C22orf15: variants seen among roughly 807,000 people sequenced by gnomAD.
The protein encoded by C22orf15 is chromosome 22 open reading frame 15.
C22orf15 carries 21 observed loss-of-function variants against 20.3 expected under a neutral mutation model. The observed-to-expected ratio is 1.04, with a 90% confidence interval of 0.74 to 1.49. The LOEUF (loss-of-function observed/expected upper bound fraction) is 1.49, where lower values mean the gene tolerates loss of function less well. Ranked by LOEUF, C22orf15 falls within the 40% of genes most tolerant of loss-of-function variation. The pLI, the probability that C22orf15 is intolerant of heterozygous loss-of-function variation, is 0.00. For missense variants in C22orf15, 170 were observed against 191.1 expected (o/e 0.89, Z 0.65); for synonymous variants, 78 against 75.4 (o/e 1.03, Z -0.18).
At chr22:23,763,980 GC>G in intron 1 of C22orf15, 106 bp from the exon 2 acceptor site, 1 of 1,088,276 alleles carries the variant, frequency 9.2e-7, no homozygotes, top group Non-Finnish European at 1.4e-6. Context: ...TAGCCCATAG[GC>G]CCAGTCGCAG....
chr22:23,764,124 G>A lies in C22orf15; in HGVS notation c.63G>A (p.Leu21=), dbSNP rs2145917182. The part of the protein sequence containing the change: ...CSVLVNTSCR[L]VNLTAHLRQK... Reference sequence around the variant, plus strand: ...TGCTGGTGAACACCTCTTGCAGGCTGGTGAACCTCACCGCCCACCTGAGGC... The same window carrying A: ...TGCTGGTGAACACCTCTTGCAGGCTAGTGAACCTCACCGCCCACCTGAGGC... The change falls in exon 2 of 6, where the codon CTG becomes CTA. Residue 21 remains leucine, a synonymous_variant. Transcript: ENST00000402217. 1 of 1,551,336 alleles carries A rather than the reference G, an allele frequency of 6.4e-7. No individual in the cohort carries two copies. The highest frequency in any genetic ancestry group is 8.7e-7 in the Non-Finnish European group (1 of 1,146,996).
chr22:23,764,031 C>A, intron 1 of C22orf15, 56 bp from the exon 2 acceptor site: 1 of 1,516,544 alleles, frequency 6.6e-7, no homozygotes, highest in East Asian at 2.5e-5. Context: ...GACAGAGGAC[C>A]CCGATTTGGA....
Position 23,763,268 on chromosome 22 carries a change from G to C in C22orf15, c.-39G>C. Reference sequence around the variant, plus strand: ...CTTAGTTGGGGAATCGAGAGTTGGGGGATCAAAGCCCCCCACATCTCCCTC... The same window carrying C: ...CTTAGTTGGGGAATCGAGAGTTGGGCGATCAAAGCCCCCCACATCTCCCTC... On this transcript the variant is annotated 5_prime_UTR_variant, in exon 1 of 6. Coordinates refer to ENST00000402217, the MANE Select transcript of C22orf15 (RefSeq NM_182520.3). 1 of 1,549,678 alleles carries C rather than the reference G, an allele frequency of 6.5e-7. No homozygotes were observed. Among genetic ancestry groups the C allele is most frequent in the Non-Finnish European group, 8.7e-7 (1 of 1,146,450 alleles).
intron 3 of C22orf15, 46 bp downstream of exon 3, chr22:23,764,443 AAG>A (rs1569146244): frequency 6.2e-7 from 1 of 1,604,132 alleles, no homozygotes; most frequent in Non-Finnish European, 8.5e-7. Flanking sequence ...GGTAGAATGT[AAG>A]AGGGGGGCAT....
At position 23,764,261 on chromosome 22, in the gene C22orf15, G is replaced by A. The variant is rs2298375; in HGVS notation, c.114G>A (p.Ala38=). The part of the protein sequence containing the change: ...LRQKAGLPPD[A]TIALLAEDGN... Reference sequence around the variant, plus strand: ...CAGTCTCTCTCCATGTCCTCCCAGCGACCATTGCTCTCCTGGCTGAGGATG... The same window carrying A: ...CAGTCTCTCTCCATGTCCTCCCAGCAACCATTGCTCTCCTGGCTGAGGATG... Residue 38 remains alanine (A), a splice_region_variant and synonymous_variant, in exon 3 of 6, where the codon GCG becomes GCA. Coordinates refer to ENST00000402217, the MANE Select transcript of C22orf15 (RefSeq NM_182520.3). The A allele has an allele frequency of 0.082, 127,901 of 1,551,520 alleles. 5,628 individuals are homozygous for A. Among genetic ancestry groups the A allele is most frequent in the South Asian group, 0.11 (9,458 of 84,052 alleles).
At position 23,764,762 on chromosome 22, in the gene C22orf15, CCCTACCAACAGGACTT is replaced by C. The variant is rs780338916; in HGVS notation, c.326-27_326-12del. 1.9e-6 allele frequency: 3 copies of C among 1,614,010 alleles called. No individual in the cohort carries two copies. Among genetic ancestry groups the C allele is most frequent in the South Asian group, 1.1e-5 (1 of 91,082 alleles). ...GGGGAGGGCACACCTTCTCCCTAAC[CCCTACCAACAGGACTT>C]CCTGGGCCTTCCAGAGGAACTGCGC... On this transcript the variant is annotated splice_polypyrimidine_tract_variant and intron_variant, in intron 4 of 5. Coordinates refer to ENST00000402217, the MANE Select transcript of C22orf15 (RefSeq NM_182520.3).
rs769306922 is a variant in C22orf15 at position 23,764,895 on chromosome 22, C to G, written c.428C>G (p.Pro143Arg). The change falls in exon 5 of 6, where the codon CCC (proline) becomes CGC (arginine). Residue 143 changes from proline (P) to arginine (R), a missense_variant. Transcript: ENST00000402217. ...GRHEQSPTSRPRKGPD is the reference protein window; with the variant it reads ...GRHEQSPTSRRRKGPD ...CATGAGCAAAGCCCCACTTCAAGGC[C>G]CAGAAAGGTGAGCTCCCTGCCACCC... 7 of 1,610,208 alleles carry G rather than the reference C, an allele frequency of 4.3e-6. No homozygotes were observed. The East Asian group carries it at 1.3e-4, about 31-fold the overall frequency.
chr22:23,765,752 T>C lies in C22orf15; in HGVS notation c.*20T>C. 1 of 1,550,552 alleles carries C rather than the reference T, an allele frequency of 6.4e-7. No individual in the cohort carries two copies. The highest frequency in any genetic ancestry group is 8.7e-7 in the Non-Finnish European group (1 of 1,146,424). ...GATTAAGGGGATGGATTGCACACTGTAGTGAGACATCCATCCTGACCCCAC... is the reference window on the plus strand; with the variant it reads ...GATTAAGGGGATGGATTGCACACTGCAGTGAGACATCCATCCTGACCCCAC... On this transcript the variant is annotated 3_prime_UTR_variant, in exon 6 of 6. Transcript: ENST00000402217.
At chr22:23,764,446 AG>A (rs1926322882) in intron 3 of C22orf15, 49 bp downstream of exon 3, 2 of 1,605,666 alleles carry the variant, frequency 1.2e-6, no homozygotes, top group Non-Finnish European at 8.5e-7. Flanking sequence ...AGAATGTAAG[AG>A]GGGGGCATAG....
At chr22:23,763,436 G>C (rs1053327489) in intron 1 of C22orf15, 105 bp downstream of exon 1, 6 of 1,303,436 alleles carry the variant, frequency 4.6e-6, no homozygotes, top group South Asian at 2.9e-5. Flanking sequence ...GGCGGGAAAG[G>C]GGGGTGGTGC....
At chr22:23,763,442 GGT>G in intron 1 of C22orf15, 111 bp downstream of exon 1, 1 of 1,238,840 alleles carries the variant, frequency 8.1e-7, no homozygotes, top group African/African-American at 1.5e-5. Flanking sequence ...AAAGGGGGGT[GGT>G]GCACATGGCG....
intron 5 of C22orf15, chr22:23,765,292 TG>T: frequency 6.5e-7 from 1 of 1,529,898 alleles, no homozygotes; most frequent in Non-Finnish European, 8.8e-7. Flanking sequence ...CTGGCAGGCT[TG>T]GGGACCTGGC....
At chr22:23,765,597 C>T in intron 5 of C22orf15, 124 bp from the exon 6 acceptor site, 1 of 1,516,218 alleles carries the variant, frequency 6.6e-7, no homozygotes, top group Non-Finnish European at 8.9e-7. Context: ...GGATTCCACC[C>T]TCAGAGTCAG....
At chr22:23,765,142 C>T in intron 5 of C22orf15, 1 of 1,435,502 alleles carries the variant, frequency 7.0e-7, no homozygotes. Context: ...CCGGAATGTC[C>T]TCAGGCTTCA....
Position 23,764,725 on chromosome 22 carries a change from G to A in C22orf15, c.325+12G>A, listed in dbSNP as rs764038416. On this transcript the variant is annotated intron_variant, in intron 4 of 5. Transcript: ENST00000402217. The stretch of plus-strand genomic sequence containing the variant: ...CCCAGAGCTGGCAGGTGAGTGTCAG[G>A]GTACAGCCCAGGGGGAGGGCACACC... 14 of 1,614,058 alleles carry A rather than the reference G, an allele frequency of 8.7e-6. No homozygotes were observed. The South Asian group carries it at 1.5e-4, about 18-fold the overall frequency.
intron 5 of C22orf15, chr22:23,765,462 G>A: frequency 6.4e-7 from 1 of 1,550,916 alleles, no homozygotes. Context: ...GGCAAGGTCA[G>A]ACAGGATTTG....
chr22:23,764,096 C>T lies in C22orf15; in HGVS notation c.35C>T (p.Ser12Leu), dbSNP rs933516282. The T allele has an allele frequency of 3.9e-6, 6 of 1,550,594 alleles. No individual in the cohort carries two copies. Among genetic ancestry groups the T allele is most frequent in the East Asian group, 2.4e-5 (1 of 40,932 alleles). Residue 12 changes from serine to leucine, a missense_variant, in exon 2 of 6, where the codon TCG becomes TTG. Coordinates refer to ENST00000402217, the MANE Select transcript of C22orf15 (RefSeq NM_182520.3). ...FIKVMFGAGC[S>L]VLVNTSCRLV... The stretch of plus-strand genomic sequence containing the variant: ...TTGCCCCTCTCCACAGCTGGCTGCT[C>T]GGTGCTGGTGAACACCTCTTGCAGG...
chr22:23,765,523 T>G, intron 5 of C22orf15, 198 bp from the exon 6 acceptor site: 2 of 1,549,296 alleles, frequency 1.3e-6, no homozygotes, highest in Non-Finnish European at 1.7e-6. Context: ...GATGCAGAGG[T>G]AGAGACAAGA....
Position 23,764,914 on chromosome 22 carries a change from G to A in C22orf15, c.435+12G>A, listed in dbSNP as rs1926498697. On this transcript the variant is annotated intron_variant, in intron 5 of 5. Coordinates refer to ENST00000402217, the MANE Select transcript of C22orf15 (RefSeq NM_182520.3). ...CAAGGCCCAGAAAGGTGAGCTCCCT[G>A]CCACCCAGGAGTTGCTAGCTGGGGC... 1 of 1,603,490 alleles carries A rather than the reference G, an allele frequency of 6.2e-7. No individual in the cohort carries two copies. Among genetic ancestry groups the A allele is most frequent in the Non-Finnish European group, 8.5e-7 (1 of 1,173,696 alleles).
Sources: gnomAD v4.1 joint callset for allele counts on GRCh38, gnomAD v4.1.1 for gene constraint, MANE v1.5 for transcripts, NCBI Gene and HGNC (gene_info 2026-07-23, HGNC 2026-07-21) for gene names.